Variants in LRRC4C observed in about 807,000 individuals in gnomAD.
LRRC4C encodes the protein leucine-rich repeat-containing protein 4C.
A neutral mutation model predicts 33.6 loss-of-function variants in LRRC4C; 5 were observed. The ratio of observed to expected loss-of-function variants is 0.15; its 90% CI spans 0.08 to 0.31. The LOEUF (loss-of-function observed/expected upper bound fraction) is 0.31. LRRC4C is among the 10% of genes least tolerant of loss of function. The pLI, the probability that LRRC4C is intolerant of heterozygous loss-of-function variation, is 1.00. For missense variants in LRRC4C, 560 were observed against 796.7 expected (o/e 0.70, Z 3.58); for synonymous variants, 329 against 302.0 (o/e 1.09, Z -0.93).
intron 2 of LRRC4C, among the ~76,000 whole-genome samples, chr11:40,890,833 T>G (rs1435671597): frequency 1.3e-5 from 2 of 151,656 alleles, no homozygotes; most frequent in Non-Finnish European, 2.9e-5. Context: ...ATTGTTAAAA[T>G]AAGAGCAACA....
At chr11:40,413,735 A>G (rs115980795) in intron 3 of LRRC4C, among the ~76,000 whole-genome samples, 2 of 152,276 alleles carry the variant, frequency 1.3e-5, no homozygotes, top group African/African-American at 2.4e-5. Flanking sequence ...AAAGCCAGAA[A>G]AGCCCAGAAT....
At chr11:41,458,300 A>G (rs1198995513) in intron 1 of LRRC4C, among the ~76,000 whole-genome samples, 1 of 152,120 alleles carries the variant, frequency 6.6e-6, no homozygotes, top group Admixed American at 6.6e-5. Flanking sequence ...ATCCACATGC[A>G]CTGGCAGATG....
intron 2 of LRRC4C, among the ~76,000 whole-genome samples, chr11:40,801,606 T>C (rs1413908829): frequency 2.0e-5 from 3 of 152,214 alleles, no homozygotes. Flanking sequence ...TATAGAGAAA[T>C]GTATAATCTT....
intron 5 of LRRC4C, among the ~76,000 whole-genome samples, chr11:40,240,095 T>A (rs936650813): frequency 1.3e-5 from 2 of 152,172 alleles, no homozygotes; most frequent in African/African-American, 2.4e-5. Context: ...AATATTTCAT[T>A]TGCTTCCTGG....
chr11:40,203,478 T>G (rs180682174), intron 5 of LRRC4C, among the ~76,000 whole-genome samples: 1,986 of 152,298 alleles, frequency 0.013, 54 homozygotes, highest in Non-Finnish European at 0.013. Flanking sequence ...ATGTTTACTA[T>G]GTTTAATTAG....
At chr11:41,030,779 A>T (rs1299636358) in intron 1 of LRRC4C, among the ~76,000 whole-genome samples, 1 of 151,764 alleles carries the variant, frequency 6.6e-6, no homozygotes, top group Non-Finnish European at 1.5e-5. Flanking sequence ...ATGTATATAA[A>T]TCTGTGGGGC....
At chr11:40,343,759 A>C (rs948834141) in intron 3 of LRRC4C, among the ~76,000 whole-genome samples, 1 of 150,638 alleles carries the variant, frequency 6.6e-6, no homozygotes, top group South Asian at 2.1e-4. Flanking sequence ...TAGCTAGCCT[A>C]ATAAAGAACA....
intron 1 of LRRC4C, among the ~76,000 whole-genome samples, chr11:41,089,242 T>C (rs1013904550): frequency 6.6e-6 from 1 of 152,048 alleles, no homozygotes; most frequent in Non-Finnish European, 1.5e-5. Context: ...TCCTTATATA[T>C]GGCATTTGAT....
rs1308347363 is a variant in LRRC4C at position 40,150,495 on chromosome 11, C to T, written c.-95-9642G>A. Among the ~76,000 whole-genome samples, 5 of 152,332 alleles carry T rather than the reference C, an allele frequency of 3.3e-5. No homozygotes were observed. The East Asian group carries it at 7.7e-4, about 23-fold the overall frequency. The stretch of plus-strand genomic sequence containing the variant: ...AAAGAGACATGGTCTTGCTCTGTTG[C>T]CCAAGCTACATTGCGGTAGCATGAT... On this transcript the variant is annotated intron_variant, in intron 5 of 6. Transcript: ENST00000528697.
intron 1 of LRRC4C, among the ~76,000 whole-genome samples, chr11:41,292,818 C>A (rs2137018670): frequency 6.6e-6 from 1 of 152,172 alleles, no homozygotes; most frequent in South Asian, 2.1e-4. Flanking sequence ...TTGGGAGAAT[C>A]AATCTTAAAA....
chr11:40,927,988 T>A (rs1957467270), intron 2 of LRRC4C, among the ~76,000 whole-genome samples: 1 of 152,138 alleles, frequency 6.6e-6, no homozygotes, highest in African/African-American at 2.4e-5. Context: ...AAGTTTTTTT[T>A]AAGTAGATCC....
chr11:40,161,744 GA>G (rs1565072441), intron 5 of LRRC4C, among the ~76,000 whole-genome samples: 1 of 152,088 alleles, frequency 6.6e-6, no homozygotes, highest in East Asian at 1.9e-4. Flanking sequence ...GCAACAGAGC[GA>G]GACTCCTTCT....
rs1954064506 is a variant in LRRC4C at position 41,402,527 on chromosome 11, A to G, written c.-496+56904T>C. On this transcript the variant is annotated intron_variant, in intron 1 of 6. Transcript: ENST00000528697. ...GTCAGGGCTCTGAGAAATGTGGAAG[A>G]CATGCTGATTGCTTTCAGTAAACAT... 2.0e-5 allele frequency among the ~76,000 whole-genome samples: 3 copies of G among 152,044 alleles called. No individual in the cohort carries two copies. In the South Asian group the frequency reaches 6.2e-4, roughly 31 times the overall value.
chr11:40,761,898 G>C (rs183859607), intron 2 of LRRC4C, among the ~76,000 whole-genome samples: 307 of 152,182 alleles, frequency 2.0e-3, no homozygotes, highest in Non-Finnish European at 3.8e-3. Flanking sequence ...TTTTTGGTAG[G>C]AGAAGGCGCT....
chr11:41,102,882 T>C (rs1160510483), intron 1 of LRRC4C, among the ~76,000 whole-genome samples: 2 of 151,974 alleles, frequency 1.3e-5, no homozygotes. Context: ...GCTTGAATAA[T>C]AATACTTTTT....
intron 1 of LRRC4C, among the ~76,000 whole-genome samples, chr11:41,415,748 C>T (rs988880791): frequency 1.3e-5 from 2 of 152,098 alleles, no homozygotes; most frequent in African/African-American, 4.8e-5. Context: ...GTTTGCAACA[C>T]TGATATTCTG....
intron 2 of LRRC4C, among the ~76,000 whole-genome samples, chr11:40,813,690 C>T (rs1478728661): frequency 6.6e-6 from 1 of 152,028 alleles, no homozygotes; most frequent in South Asian, 2.1e-4. Context: ...TGCCTATGAT[C>T]CTGTAAAATC....
At chr11:41,282,777 C>T (rs1486231418) in intron 1 of LRRC4C, among the ~76,000 whole-genome samples, 1 of 152,200 alleles carries the variant, frequency 6.6e-6, no homozygotes, top group African/African-American at 2.4e-5. Flanking sequence ...ATGTGGGCAT[C>T]TGAATCCGAG....
chr11:40,713,189 C>T (rs964886283), intron 2 of LRRC4C, among the ~76,000 whole-genome samples: 6 of 151,976 alleles, frequency 3.9e-5, no homozygotes, highest in East Asian at 1.9e-4. Context: ...CCACTGTGCC[C>T]GGCCATTATT....
Sources: allele counts gnomAD v4.1 joint callset (sites outside exome capture counted in the v4.1 genomes callset), GRCh38; gene constraint gnomAD v4.1.1; transcripts MANE v1.5; gene names NCBI Gene and HGNC (gene_info 2026-07-23, HGNC 2026-07-21).